Variants in DYNC2LI1 observed in about 807,000 individuals in gnomAD.
DYNC2LI1 encodes the protein dynein cytoplasmic 2 light intermediate chain 1.
DYNC2LI1 carries 45 observed loss-of-function variants against 51.9 expected under a neutral mutation model. That is an observed-to-expected ratio of 0.87 (90% CI 0.68 to 1.11). The LOEUF is 1.11. Ranked by LOEUF, DYNC2LI1 falls within the 50% of genes most tolerant of loss-of-function variation. DYNC2LI1 has a pLI of 0.00. For missense variants in DYNC2LI1, 490 were observed against 417.4 expected, an observed-to-expected ratio of 1.17 and a Z score of -1.51; for synonymous variants, 130 against 137.8, an observed-to-expected ratio of 0.94 and a Z score of 0.40.
intron 3 of DYNC2LI1, among the ~76,000 whole-genome samples, chr2:43,785,019 C>A (rs573169588): frequency 6.6e-6 from 1 of 152,022 alleles, no homozygotes; most frequent in East Asian, 1.9e-4. Flanking sequence ...GATATGGGAC[C>A]GGGTGCAGTG....
chr2:43,785,725 T>C (rs767700035), intron 3 of DYNC2LI1, among the ~76,000 whole-genome samples: 4 of 151,148 alleles, frequency 2.6e-5, no homozygotes, highest in Non-Finnish European at 5.9e-5. Flanking sequence ...TAAAATAAAA[T>C]AAAATATATA....
At chr2:43,813,137 C>T, downstream of DYNC2LI1, 1 of 1,333,948 alleles carries the variant, frequency 7.5e-7, no homozygotes, top group South Asian at 1.2e-5. Context: ...TGAGATGATC[C>T]CTTATTTTGA....
chr2:43,822,470 T>TG, the DYNC2LI1 span: 49 of 354,504 alleles, frequency 1.4e-4, no homozygotes, highest in South Asian at 2.8e-4. Context: ...CTTTCTCCCC[T>TG]CCCCCAGGCC....
At chr2:43,814,398 T>C, downstream of DYNC2LI1, 1 of 925,520 alleles carries the variant, frequency 1.1e-6, no homozygotes, top group South Asian at 1.4e-5. Context: ...ACAGTTTTTA[T>C]TTCAAAAATA....
chr2:43,781,717 C>G (rs533089281), intron 2 of DYNC2LI1: 20 of 151,860 alleles, frequency 1.3e-4, no homozygotes, highest in Admixed American at 1.2e-3. Flanking sequence ...ATTCTCCTGC[C>G]TCAGCCTCCC....
chr2:43,822,473 C>T, the DYNC2LI1 span: 18 of 671,862 alleles, frequency 2.7e-5, 1 homozygote, highest in African/African-American at 3.2e-4. Context: ...TCTCCCCTCC[C>T]CCAGGCCCCC....
chr2:43,797,760 G>A (rs1475014179), intron 8 of DYNC2LI1, among the ~76,000 whole-genome samples: 1 of 151,764 alleles, frequency 6.6e-6, no homozygotes, highest in Non-Finnish European at 1.5e-5. Context: ...CCTCATGATC[G>A]ACCCTCCTCG....
the DYNC2LI1 span, among the ~76,000 whole-genome samples, chr2:43,817,665 T>G: frequency 6.6e-6 from 1 of 151,128 alleles, no homozygotes; most frequent in African/African-American, 2.4e-5. Flanking sequence ...ATCCCAGCAC[T>G]TTGGGAGGCC....
chr2:43,778,584 A>G (rs1345981053), intron 2 of DYNC2LI1, among the ~76,000 whole-genome samples: 2 of 152,214 alleles, frequency 1.3e-5, no homozygotes, highest in Admixed American at 6.5e-5. Context: ...TGAGTAAATA[A>G]CTAGTACTAG....
chr2:43,800,836 T>A lies in DYNC2LI1; in HGVS notation c.655-5T>A. The A allele has an allele frequency of 1.3e-6, 2 of 1,556,872 alleles. No individual in the cohort carries two copies. The highest frequency in any genetic ancestry group is 1.8e-6 in the Non-Finnish European group (2 of 1,140,718). Reference sequence around the variant, plus strand: ...ATGTAATTTGTTCTCCTGATTTGTTTAAAGTTTACCAGTAAATCAGAAGCT... The same window carrying A: ...ATGTAATTTGTTCTCCTGATTTGTTAAAAGTTTACCAGTAAATCAGAAGCT... On this transcript the variant is annotated splice_region_variant and splice_polypyrimidine_tract_variant and intron_variant, in intron 8 of 12. Transcript: ENST00000260605.
In DYNC2LI1 at chr2:43,809,813, A is replaced by C; in HGVS notation, c.*46A>C. The stretch of plus-strand genomic sequence containing the variant: ...ATTTATTTCTTCTTTTCCAAATACA[A>C]ATAAGATTATACTGTGAATTAACTA... On this transcript the variant is annotated 3_prime_UTR_variant, in exon 13 of 13. Coordinates refer to ENST00000260605, the MANE Select transcript of DYNC2LI1 (RefSeq NM_016008.4). The C allele has an allele frequency of 6.4e-7, 1 of 1,566,162 alleles. No homozygotes were observed. The highest frequency in any genetic ancestry group is 8.7e-7 in the Non-Finnish European group (1 of 1,155,892).
chr2:43,826,269 G>A, the DYNC2LI1 span: 1 of 1,521,466 alleles, frequency 6.6e-7, no homozygotes, highest in Non-Finnish European at 9.0e-7. Context: ...CAAAGTGCTG[G>A]AATTACAAGT....
At chr2:43,810,155 C>G, downstream of DYNC2LI1, 7 of 363,670 alleles carry the variant, frequency 1.9e-5, no homozygotes, top group Non-Finnish European at 2.7e-5. Flanking sequence ...AAAAGGCATT[C>G]TCAGCTGTAG....
At chr2:43,797,899 G>T (rs1473468291) in intron 8 of DYNC2LI1, among the ~76,000 whole-genome samples, 3 of 152,156 alleles carry the variant, frequency 2.0e-5, no homozygotes, top group Non-Finnish European at 4.4e-5. Context: ...GCTAAGGCGA[G>T]AGGATCATTT....
intron 6 of DYNC2LI1, 79 bp from the exon 7 acceptor site, chr2:43,795,811 T>A: frequency 9.2e-7 from 1 of 1,085,656 alleles, no homozygotes; most frequent in Non-Finnish European, 1.4e-6. Flanking sequence ...AAATGGAATG[T>A]TTTTGGAAGT....
intron 12 of DYNC2LI1, 92 bp downstream of exon 12, chr2:43,805,338 T>G (rs934245532): frequency 5.8e-6 from 4 of 692,804 alleles, no homozygotes; most frequent in Admixed American, 2.5e-5. Context: ...CTCTATGTAT[T>G]TACTTAGAGT....
At chr2:43,780,329 A>G (rs1673220127) in intron 2 of DYNC2LI1, among the ~76,000 whole-genome samples, 1 of 152,168 alleles carries the variant, frequency 6.6e-6, no homozygotes, top group Admixed American at 6.5e-5. Flanking sequence ...AGAGCTCCGG[A>G]TGTCAGGTGG....
At chr2:43,820,890 G>A in the DYNC2LI1 span, among the ~76,000 whole-genome samples, 1 of 152,172 alleles carries the variant, frequency 6.6e-6, no homozygotes, top group Non-Finnish European at 1.5e-5. Context: ...CTGGCCTCAA[G>A]TGATCTGCCC....
chr2:43,799,158 A>G (rs1665990458), intron 8 of DYNC2LI1, among the ~76,000 whole-genome samples: 1 of 152,046 alleles, frequency 6.6e-6, no homozygotes, highest in South Asian at 2.1e-4. Flanking sequence ...TTAATTAGCC[A>G]GTCATCATAG....
Sources: gnomAD v4.1 joint callset for allele counts (sites outside exome capture counted in the v4.1 genomes callset) on GRCh38, gnomAD v4.1.1 for gene constraint, MANE v1.5 for transcripts, NCBI Gene and HGNC (gene_info 2026-07-23, HGNC 2026-07-21) for gene names.